The following RHOJ variants were observed in gnomAD, a reference collection of about 807,000 sequenced individuals.
RHOJ encodes ras homolog family member J, also known as rho-related GTP-binding protein RhoJ.
RHOJ carries 11 observed loss-of-function variants against 23.4 expected under a neutral mutation model. That is an observed-to-expected ratio of 0.47 (90% CI 0.30 to 0.78). The LOEUF (loss-of-function observed/expected upper bound fraction) is 0.78. Ranked by LOEUF, RHOJ falls within the 30% of genes least tolerant of loss-of-function variation. The pLI is 0.08. For synonymous variants in RHOJ, 102 were observed against 102.7 expected (o/e 0.99, Z 0.04); for missense variants, 254 against 273.4 (o/e 0.93, Z 0.50).
intron 1 of RHOJ, among the ~76,000 whole-genome samples, chr14:63,255,238 G>T (rs980666290): frequency 1.3e-5 from 2 of 152,038 alleles, no homozygotes; most frequent in Admixed American, 6.6e-5. Context: ...GAATTCATCC[G>T]GGACCATGCC....
intron 1 of RHOJ, among the ~76,000 whole-genome samples, chr14:63,257,668 A>C (rs1363602373): frequency 3.5e-4 from 45 of 130,080 alleles, no homozygotes; most frequent in African/African-American, 5.5e-4. Flanking sequence ...TTCCCCACCC[A>C]CCCCATCCTT....
rs1882296302 is a variant in RHOJ, at chr14:63,292,962, A to G, written c.*1938A>G. On this transcript the variant is annotated 3_prime_UTR_variant, in exon 5 of 5. Transcript: ENST00000316754. ...AAGAACCTGTCAAAAAAAAAAAAAAAACAACCTACATTTCAAGTACTATTT... is the reference window on the plus strand; with the variant it reads ...AAGAACCTGTCAAAAAAAAAAAAAAGACAACCTACATTTCAAGTACTATTT... 2 of 152,000 alleles carry G rather than the reference A, an allele frequency of 1.3e-5. No homozygotes were observed. Among genetic ancestry groups the G allele is most frequent in the Admixed American group, 1.3e-4 (2 of 15,244 alleles). The allele number at this position is 152,000 out of a possible 1,614,324, so 9.4% of individuals were successfully genotyped here. A position where few individuals can be genotyped will look rare whatever the true frequency, so the allele number is the denominator to read the frequency against.
intron 2 of RHOJ, among the ~76,000 whole-genome samples, chr14:63,273,022 T>C (rs2139658119): frequency 6.6e-6 from 1 of 152,114 alleles, no homozygotes; most frequent in Non-Finnish European, 1.5e-5. Context: ...AAACTCCATC[T>C]CAAAAAAGAA....
intron 2 of RHOJ, among the ~76,000 whole-genome samples, chr14:63,270,238 G>C (rs530528297): frequency 7.0e-6 from 1 of 142,488 alleles, no homozygotes; most frequent in African/African-American, 2.7e-5. Context: ...TTCTTCACAA[G>C]AATATAAATA....
intron 1 of RHOJ, among the ~76,000 whole-genome samples, chr14:63,253,405 T>C (rs1006718342): frequency 1.3e-5 from 2 of 152,112 alleles, no homozygotes; most frequent in African/African-American, 4.8e-5. Flanking sequence ...TAGCTAATTT[T>C]TTTTTTTTTA....
At position 63,273,004 on chromosome 14, in the gene RHOJ, C is replaced by T. The variant is rs1466555772; in HGVS notation, c.237+3836C>T. On this transcript the variant is annotated intron_variant, in intron 2 of 4. Coordinates refer to ENST00000316754, the MANE Select transcript of RHOJ (RefSeq NM_020663.5). ...CACCATTGCACTCCAGCCTAGGCAA[C>T]AAGAGCAAAACTCCATCTCAAAAAA... Among the ~76,000 whole-genome samples the T allele has an allele frequency of 2.0e-5, 3 of 152,300 alleles. No individual in the cohort carries two copies. The East Asian group carries it at 5.8e-4, about 29-fold the overall frequency.
intron 1 of RHOJ, among the ~76,000 whole-genome samples, chr14:63,248,005 G>A (rs1226328800): frequency 6.6e-6 from 1 of 152,064 alleles, no homozygotes; most frequent in African/African-American, 2.4e-5. Flanking sequence ...AAAACAGTAT[G>A]GGGGAAACTG....
At chr14:63,262,168 C>T (rs1309887141) in intron 1 of RHOJ, among the ~76,000 whole-genome samples, 5 of 152,200 alleles carry the variant, frequency 3.3e-5, no homozygotes, top group African/African-American at 1.2e-4. Flanking sequence ...GCTGAGACAG[C>T]CAACCCAATG....
intron 1 of RHOJ, among the ~76,000 whole-genome samples, chr14:63,254,700 C>A (rs17224589): frequency 0.053 from 8,117 of 152,062 alleles, 263 homozygotes; most frequent in East Asian, 0.13. Context: ...GCGGAGCTCA[C>A]CCAGAGAAGA....
At chr14:63,250,857 A>G (rs1460271856) in intron 1 of RHOJ, among the ~76,000 whole-genome samples, 1 of 152,066 alleles carries the variant, frequency 6.6e-6, no homozygotes, top group African/African-American at 2.4e-5. Flanking sequence ...AATATGGAGA[A>G]ACCCCATCTC....
At chr14:63,253,249 T>C (rs531409771) in intron 1 of RHOJ, among the ~76,000 whole-genome samples, 1 of 152,338 alleles carries the variant, frequency 6.6e-6, no homozygotes, top group East Asian at 1.9e-4. Context: ...CTTCCCTGAA[T>C]GCTTTGAAAG....
chr14:63,271,824 C>G (rs1895476387), intron 2 of RHOJ, among the ~76,000 whole-genome samples: 1 of 152,144 alleles, frequency 6.6e-6, no homozygotes. Flanking sequence ...TCTCAAACTC[C>G]CAACCTCAGG....
intron 1 of RHOJ, among the ~76,000 whole-genome samples, chr14:63,261,040 C>T (rs1895263044): frequency 6.6e-6 from 1 of 152,166 alleles, no homozygotes; most frequent in African/African-American, 2.4e-5. Flanking sequence ...AAAAATGAAT[C>T]CATAAATTTG....
chr14:63,263,527 A>C (rs1895310553), intron 1 of RHOJ, among the ~76,000 whole-genome samples: 3 of 152,184 alleles, frequency 2.0e-5, no homozygotes, highest in Admixed American at 2.0e-4. Context: ...CGAGAGAATA[A>C]AAGGGCCGAG....
intron 2 of RHOJ, among the ~76,000 whole-genome samples, chr14:63,276,211 G>T (rs967067890): frequency 4.1e-5 from 3 of 73,236 alleles, no homozygotes; most frequent in Non-Finnish European, 6.8e-5. Context: ...CAGCTTCGGT[G>T]GGGGGGGGCG....
chr14:63,214,629 T>C (rs560325515), intron 1 of RHOJ, among the ~76,000 whole-genome samples: 1 of 152,134 alleles, frequency 6.6e-6, no homozygotes. Flanking sequence ...AGAGAGCTCC[T>C]GGAAGAAGGA....
intron 1 of RHOJ, among the ~76,000 whole-genome samples, chr14:63,268,181 ATATTT>A (rs923387198): frequency 3.3e-5 from 5 of 152,198 alleles, no homozygotes; most frequent in African/African-American, 1.2e-4. Context: ...ACTTTTCTTC[ATATTT>A]TATTTCCTTT....
intron 1 of RHOJ, among the ~76,000 whole-genome samples, chr14:63,231,228 G>T (rs913927706): frequency 7.9e-5 from 12 of 152,142 alleles, no homozygotes; most frequent in Middle Eastern, 3.4e-3. Context: ...TAGTTCTTCC[G>T]CAATTCCAAC....
intron 1 of RHOJ, among the ~76,000 whole-genome samples, chr14:63,221,120 G>A (rs535736698): frequency 2.6e-4 from 39 of 152,208 alleles, no homozygotes; most frequent in African/African-American, 8.7e-4. Flanking sequence ...CGTGAGTCCA[G>A]GAGTTCGAGA....
Sources: gnomAD v4.1 joint callset for allele counts (sites outside exome capture counted in the v4.1 genomes callset) on GRCh38, gnomAD v4.1.1 for gene constraint, MANE v1.5 for transcripts, NCBI Gene and HGNC (gene_info 2026-07-23, HGNC 2026-07-21) for gene names.